Variants in MRTFB observed in about 807,000 individuals in gnomAD.
MRTFB encodes the protein myocardin-related transcription factor B.
A neutral mutation model predicts 104.2 loss-of-function variants in MRTFB; 29 were observed. The observed-to-expected ratio is 0.28, with a 90% CI of 0.21 to 0.38. MRTFB has a LOEUF of 0.38. Among genes scored for constraint, MRTFB ranks in the 10% least tolerant of loss-of-function variants. The pLI is 1.00. For synonymous variants in MRTFB, 535 were observed against 519.5 expected (o/e 1.03, Z -0.41); for missense variants, 1,270 against 1,341.6 (o/e 0.95, Z 0.83).
chr16:14,056,169 G>T, the MRTFB span, among the ~76,000 whole-genome samples: 1 of 152,044 alleles, frequency 6.6e-6, no homozygotes, highest in African/African-American at 2.4e-5. Context: ...AGTAGAGACA[G>T]GGTTTCGTCA....
chr16:14,129,153 A>G (rs562269220), intron 2 of MRTFB, among the ~76,000 whole-genome samples: 12 of 152,346 alleles, frequency 7.9e-5, no homozygotes, highest in Middle Eastern at 3.4e-3. Flanking sequence ...GTTTATTCCA[A>G]TCCATTTAGG....
chr16:14,099,618 G>A (rs2035586905), intron 2 of MRTFB, among the ~76,000 whole-genome samples: 1 of 150,930 alleles, frequency 6.6e-6, no homozygotes, highest in South Asian at 2.1e-4. Flanking sequence ...CAAAATGCTA[G>A]GATTACAAGT....
At chr16:14,023,659 G>A in the MRTFB span, among the ~76,000 whole-genome samples, 62,933 of 140,598 alleles carry the variant, frequency 0.45, 13,585 homozygotes, top group Middle Eastern at 0.61. Flanking sequence ...ACATATTTAT[G>A]TGTGTGTGTG....
At chr16:14,096,113 G>A (rs1201508750) in intron 2 of MRTFB, among the ~76,000 whole-genome samples, 1 of 151,710 alleles carries the variant, frequency 6.6e-6, no homozygotes, top group Non-Finnish European at 1.5e-5. Context: ...GTCTCGCTCT[G>A]TCTTCCAGGC....
chr16:14,124,194 A>C (rs2036991680), intron 2 of MRTFB, among the ~76,000 whole-genome samples: 1 of 152,190 alleles, frequency 6.6e-6, no homozygotes, highest in Non-Finnish European at 1.5e-5. Flanking sequence ...TAAATATATA[A>C]TCATGTTATC....
intron 1 of MRTFB, among the ~76,000 whole-genome samples, chr16:14,072,369 A>G (rs892836325): frequency 1.6e-4 from 24 of 152,326 alleles, no homozygotes; most frequent in African/African-American, 5.5e-4. Flanking sequence ...TGTACCATTC[A>G]CATCTAGGAC....
At chr16:14,157,511 C>T (rs1369933717) in intron 3 of MRTFB, among the ~76,000 whole-genome samples, 2 of 152,202 alleles carry the variant, frequency 1.3e-5, no homozygotes, top group Non-Finnish European at 2.9e-5. Flanking sequence ...CACAGGGCCA[C>T]CCCTTACTGC....
intron 2 of MRTFB, among the ~76,000 whole-genome samples, chr16:14,135,264 A>G (rs1237392785): frequency 6.6e-6 from 1 of 152,142 alleles, no homozygotes; most frequent in Non-Finnish European, 1.5e-5. Context: ...TTACCTTGCA[A>G]ATGGGCCATC....
At chr16:14,016,634 G>T in the MRTFB span, among the ~76,000 whole-genome samples, 14 of 152,008 alleles carry the variant, frequency 9.2e-5, 1 homozygote, top group Non-Finnish European at 1.0e-4. Flanking sequence ...TTAGCCAGGA[G>T]TGGCGGCGCA....
intron 3 of MRTFB, among the ~76,000 whole-genome samples, chr16:14,197,282 C>T (rs58477316): frequency 0.024 from 3,624 of 152,240 alleles, 160 homozygotes; most frequent in African/African-American, 0.083. Flanking sequence ...CCAGTGCTTT[C>T]TCTTCTTTAA....
intron 1 of MRTFB, among the ~76,000 whole-genome samples, chr16:14,078,696 C>T (rs1245489790): frequency 2.0e-5 from 3 of 151,716 alleles, no homozygotes; most frequent in East Asian, 1.9e-4. Context: ...TCACCAAGCC[C>T]GGGAATTACT....
the MRTFB span, among the ~76,000 whole-genome samples, chr16:14,022,424 GTCT>G: frequency 3.3e-5 from 5 of 152,118 alleles, no homozygotes; most frequent in South Asian, 1.0e-3. Flanking sequence ...TTTTGAGACA[GTCT>G]TGCTCTGTCA....
intron 12 of MRTFB, chr16:14,247,743 C>T (rs2043086041): frequency 3.7e-6 from 2 of 540,380 alleles, no homozygotes; most frequent in Admixed American, 3.3e-5. Context: ...CTTGAATGAA[C>T]ACAGTATCAT....
chr16:14,027,117 G>C, the MRTFB span, among the ~76,000 whole-genome samples: 5 of 152,266 alleles, frequency 3.3e-5, no homozygotes, highest in Non-Finnish European at 7.4e-5. Flanking sequence ...ATTCACAGCA[G>C]CTTTATTCAT....
intron 3 of MRTFB, among the ~76,000 whole-genome samples, chr16:14,153,901 A>G (rs915423659): frequency 1.3e-5 from 2 of 152,182 alleles, no homozygotes; most frequent in African/African-American, 2.4e-5. Flanking sequence ...GAAAACTCCA[A>G]CCACCAACAT....
chr16:14,247,543 G>A, intron 12 of MRTFB, 36 bp downstream of exon 12: 1 of 1,508,928 alleles, frequency 6.6e-7, no homozygotes, highest in African/African-American at 1.4e-5. Flanking sequence ...TTGCCTTACA[G>A]CATGCATGGA....
intron 2 of MRTFB, among the ~76,000 whole-genome samples, chr16:14,102,411 G>A (rs1339515490): frequency 6.6e-6 from 1 of 152,102 alleles, no homozygotes; most frequent in Non-Finnish European, 1.5e-5. Context: ...TTCCAGTTGG[G>A]GGTGAAATGA....
At chr16:14,156,472 A>G (rs2038832474) in intron 3 of MRTFB, among the ~76,000 whole-genome samples, 2 of 152,206 alleles carry the variant, frequency 1.3e-5, no homozygotes, top group Non-Finnish European at 1.5e-5. Context: ...CCAGGCTAAT[A>G]GTTATGGTTG....
chr16:14,236,951 G>A (rs905809387), intron 9 of MRTFB, among the ~76,000 whole-genome samples: 3 of 152,226 alleles, frequency 2.0e-5, no homozygotes, highest in Non-Finnish European at 4.4e-5. Flanking sequence ...TTGTGGACAA[G>A]TTGGATATGT....
Sources: allele counts gnomAD v4.1 joint callset (sites outside exome capture counted in the v4.1 genomes callset), GRCh38; gene constraint gnomAD v4.1.1; transcripts MANE v1.5; gene names NCBI Gene and HGNC (gene_info 2026-07-23, HGNC 2026-07-21).